Variants in ZNF676 observed in about 807,000 individuals in gnomAD.
ZNF676 encodes zinc finger protein 676.
A neutral mutation model predicts 6.0 loss-of-function variants in ZNF676; 4 were observed. That is an observed-to-expected ratio of 0.67 (90% CI 0.33 to 1.53). ZNF676 has a LOEUF of 1.53. ZNF676 is among the 40% of genes most tolerant of loss of function. The probability of loss-of-function intolerance (pLI) is 0.06; values close to 1 mark genes in which losing one functional copy is unlikely to be tolerated. For synonymous variants in ZNF676, 198 were observed against 223.1 expected (o/e 0.89, Z 1.00); for missense variants, 644 against 679.7 (o/e 0.95, Z 0.58).
upstream of ZNF676, among the ~76,000 whole-genome samples, chr19:22,199,497 C>G (rs1299820927): frequency 6.6e-6 from 1 of 152,194 alleles, no homozygotes; most frequent in East Asian, 1.9e-4. Context: ...TGTTAGAGTA[C>G]TGTGATAGCA....
chr19:22,184,309 G>A (rs1262143114), intron 2 of ZNF676, among the ~76,000 whole-genome samples: 1 of 152,090 alleles, frequency 6.6e-6, no homozygotes, highest in African/African-American at 2.4e-5. Context: ...GTACCATAAA[G>A]AACAGTGCTC....
the ZNF676 span, among the ~76,000 whole-genome samples, chr19:22,235,060 AGG>A: frequency 3.3e-4 from 48 of 147,446 alleles, no homozygotes; most frequent in African/African-American, 1.2e-3. Flanking sequence ...GCAGAAAGGC[AGG>A]AAGAAGGAAG....
chr19:22,229,601 C>A, the ZNF676 span, among the ~76,000 whole-genome samples: 2 of 152,100 alleles, frequency 1.3e-5, no homozygotes, highest in Non-Finnish European at 2.9e-5. Context: ...GCAATCTATC[C>A]ATCTGACAAA....
upstream of ZNF676, among the ~76,000 whole-genome samples, chr19:22,201,594 A>T (rs1185630030): frequency 6.6e-6 from 1 of 152,124 alleles, no homozygotes; most frequent in African/African-American, 2.4e-5. Context: ...ATTTTACCTG[A>T]AAAAAGCTGA....
chr19:22,194,135 G>A (rs539627034), intron 1 of ZNF676, among the ~76,000 whole-genome samples: 1 of 152,176 alleles, frequency 6.6e-6, no homozygotes, highest in African/African-American at 2.4e-5. Flanking sequence ...CTTACCACTG[G>A]TCTGCCTTAG....
intron 1 of ZNF676, among the ~76,000 whole-genome samples, chr19:22,210,944 T>C (rs868768746): frequency 3.9e-5 from 6 of 152,236 alleles, no homozygotes; most frequent in Middle Eastern, 3.4e-3. Context: ...TAAAATCTGA[T>C]TATTTCACCC....
chr19:22,241,805 G>A, the ZNF676 span, among the ~76,000 whole-genome samples: 2 of 151,844 alleles, frequency 1.3e-5, no homozygotes, highest in Non-Finnish European at 2.9e-5. Context: ...TTTTAGAAAT[G>A]AGTCACCATC....
chr19:22,259,205 TGAAA>T, the ZNF676 span, among the ~76,000 whole-genome samples: 38 of 152,182 alleles, frequency 2.5e-4, no homozygotes, highest in South Asian at 1.9e-3. Context: ...AGGGCTCAGA[TGAAA>T]GAGTCCCATT....
At chr19:22,201,395 T>C (rs927534385), upstream of ZNF676, among the ~76,000 whole-genome samples, 1 of 152,182 alleles carries the variant, frequency 6.6e-6, no homozygotes, top group African/African-American at 2.4e-5. Context: ...AAATGCCTCC[T>C]GTTGGTTTTC....
At chr19:22,227,730 C>T in the ZNF676 span, among the ~76,000 whole-genome samples, 2 of 152,132 alleles carry the variant, frequency 1.3e-5, no homozygotes, top group African/African-American at 2.4e-5. Context: ...ATACTGTAAA[C>T]ACCTCAATGT....
intron 2 of ZNF676, among the ~76,000 whole-genome samples, chr19:22,191,626 T>C (rs1398895435): frequency 2.6e-5 from 4 of 152,170 alleles, no homozygotes; most frequent in Non-Finnish European, 4.4e-5. Context: ...GCCCACCATA[T>C]GCAGACTTGA....
the ZNF676 span, chr19:22,244,908 G>T: frequency 6.6e-6 from 1 of 152,226 alleles, no homozygotes; most frequent in Non-Finnish European, 1.5e-5. Context: ...TCACCTAAGT[G>T]CTGGATCCAG....
chr19:22,197,596 TTC>T (rs1288108415), upstream of ZNF676, among the ~76,000 whole-genome samples: 1 of 152,160 alleles, frequency 6.6e-6, no homozygotes, highest in Non-Finnish European at 1.5e-5. Flanking sequence ...GCCTGTGTTT[TTC>T]TGTTTTTCTG....
the ZNF676 span, among the ~76,000 whole-genome samples, chr19:22,235,118 AGGC>A: frequency 1.2e-5 from 1 of 82,116 alleles, no homozygotes. Flanking sequence ...GAAGGCAGGA[AGGC>A]AGGAAGGAAG....
At chr19:22,236,026 C>T in the ZNF676 span, among the ~76,000 whole-genome samples, 2 of 151,220 alleles carry the variant, frequency 1.3e-5, no homozygotes, top group African/African-American at 4.9e-5. Flanking sequence ...ATCCATCTGT[C>T]TTCTGCCAAA....
At chr19:22,252,689 A>G in the ZNF676 span, among the ~76,000 whole-genome samples, 1 of 152,192 alleles carries the variant, frequency 6.6e-6, no homozygotes. Flanking sequence ...TTCATGTTGG[A>G]CTCAGCAATA....
At chr19:22,257,712 C>G in the ZNF676 span, among the ~76,000 whole-genome samples, 1 of 152,024 alleles carries the variant, frequency 6.6e-6, no homozygotes, top group Non-Finnish European at 1.5e-5. Flanking sequence ...GGGCAGAGCA[C>G]AAGTGGTAGA....
At chr19:22,253,404 G>GTGTGTATATATA in the ZNF676 span, among the ~76,000 whole-genome samples, 11 of 97,040 alleles carry the variant, frequency 1.1e-4, no homozygotes, top group African/African-American at 3.0e-4. Context: ...ATGATAATGT[G>GTGTGTATATATA]TATATATATA....
the ZNF676 span, among the ~76,000 whole-genome samples, chr19:22,241,546 C>A: frequency 2.0e-5 from 3 of 151,780 alleles, no homozygotes; most frequent in African/African-American, 4.9e-5. Context: ...GAAGGATGAC[C>A]ATCTTTACTA....
Sources: gnomAD v4.1 joint callset for allele counts (sites outside exome capture counted in the v4.1 genomes callset) on GRCh38, gnomAD v4.1.1 for gene constraint, MANE v1.5 for transcripts, NCBI Gene and HGNC (gene_info 2026-07-23, HGNC 2026-07-21) for gene names.